The following LIG3 variants were observed in gnomAD, a reference collection of about 807,000 sequenced individuals.
The protein encoded by LIG3 is DNA ligase 3.
In LIG3, 58 loss-of-function variants were observed where a neutral mutation model predicts 110.9. The observed-to-expected ratio is 0.52, with a 90% CI of 0.42 to 0.65. LIG3 has a LOEUF of 0.65. LIG3 is among the 30% of genes least tolerant of loss of function. The pLI is 0.00. For missense variants in LIG3, 1,094 were observed against 1,273.8 expected (o/e 0.86, Z 2.15); for synonymous variants, 422 against 472.8 (o/e 0.89, Z 1.39).
intron 14 of LIG3, chr17:34,998,998 C>T: frequency 2.0e-6 from 1 of 505,240 alleles, no homozygotes; most frequent in South Asian, 3.3e-5. Context: ...TCTCCTCAGG[C>T]AAAATCTCTT....
At chr17:34,986,166 T>C in intron 3 of LIG3, 35 bp downstream of exon 3, 2 of 1,603,052 alleles carry the variant, frequency 1.2e-6, no homozygotes, top group Non-Finnish European at 1.7e-6. Flanking sequence ...GCTGTTATAG[T>C]GCTGCTTTTA....
In LIG3 at chr17:34,998,384, G is replaced by A. The variant is rs911417599; in HGVS notation, c.1989+88G>A. 4 of 1,274,814 alleles carry A rather than the reference G, an allele frequency of 3.1e-6. No individual in the cohort carries two copies. The South Asian group carries it at 4.1e-5, about 13-fold the overall frequency. 79.0% of individuals were successfully genotyped at this position (1,274,814 alleles called of 1,614,324 possible). A position where few individuals can be genotyped will look rare whatever the true frequency, so the allele number is the denominator to read the frequency against. On this transcript the variant is annotated intron_variant, in intron 13 of 19. Coordinates refer to ENST00000378526, the MANE Select transcript of LIG3 (RefSeq NM_013975.4). ...CCAGCCCTGACCAGGAGATGGCGGT[G>A]GCAGCCTGCAGTGGTTGGGGTGGCT...
intron 19 of LIG3, 111 bp from the exon 20 acceptor site, chr17:35,004,162 T>G: frequency 1.4e-6 from 1 of 735,978 alleles, no homozygotes; most frequent in Admixed American, 2.4e-5. Flanking sequence ...TAAACTTCTC[T>G]GCTTGTGTCC....
chr17:34,997,693 G>A, intron 11 of LIG3, 45 bp from the exon 12 acceptor site: 2 of 1,370,212 alleles, frequency 1.5e-6, no homozygotes, highest in Non-Finnish European at 2.1e-6. Flanking sequence ...TCCTAATAAG[G>A]GAGGGAGGAT....
chr17:34,999,940 C>A, intron 16 of LIG3, 84 bp downstream of exon 16: 4 of 1,096,684 alleles, frequency 3.6e-6, no homozygotes, highest in South Asian at 2.7e-5. Flanking sequence ...CATCTCACCT[C>A]GCTGAAAGTC....
chr17:35,005,457 G>T lies in LIG3; in HGVS notation c.*951G>T, dbSNP rs772453369. ...ACTGGAGGAATAATTATATGATATT[G>T]TTGAACCCCCAAGTATTGGCTGATG... is the stretch of plus-strand genomic sequence containing the variant. On this transcript the variant is annotated 3_prime_UTR_variant, in exon 20 of 20. Transcript: ENST00000378526. The T allele has an allele frequency of 1.4e-5, 8 of 560,800 alleles. No individual in the cohort carries two copies. The highest frequency in any genetic ancestry group is 1.9e-5 in the Admixed American group (1 of 52,460). The allele number at this position is 560,800 out of a possible 1,614,324, so 34.7% of individuals were successfully genotyped here. A position where few individuals can be genotyped will look rare whatever the true frequency, so the allele number is the denominator to read the frequency against.
At chr17:34,985,802 T>A in intron 2 of LIG3, 186 bp from the exon 3 acceptor site, 3 of 504,306 alleles carry the variant, frequency 5.9e-6, no homozygotes, top group East Asian at 3.1e-5. Flanking sequence ...CCTTCCCTTC[T>A]GTCCCCACAA....
At chr17:34,998,962 A>C in intron 14 of LIG3, 1 of 523,480 alleles carries the variant, frequency 1.9e-6, no homozygotes. Context: ...CTTACCACCA[A>C]TTATTTCGTC....
intron 8 of LIG3, among the ~76,000 whole-genome samples, chr17:34,993,554 A>G (rs1456590535): frequency 6.6e-6 from 1 of 152,212 alleles, no homozygotes; most frequent in Non-Finnish European, 1.5e-5. Flanking sequence ...GGCATGGGTT[A>G]TATAGCTTAG....
rs1298674029 is a variant in LIG3 at position 35,009,443 on chromosome 17, A to G, written c.*4937A>G. ...ATAATTCTAAGAATTAGATGTTTCCATATCATTAAAACCAAGGATCCATGA... is the reference window on the plus strand; with the variant it reads ...ATAATTCTAAGAATTAGATGTTTCCGTATCATTAAAACCAAGGATCCATGA... On this transcript the variant is annotated 3_prime_UTR_variant, in exon 20 of 20. Coordinates refer to ENST00000378526, the MANE Select transcript of LIG3 (RefSeq NM_013975.4). The G allele has an allele frequency of 6.6e-6, 1 of 152,232 alleles. No homozygotes were observed. Among genetic ancestry groups the G allele is most frequent in the Non-Finnish European group, 1.5e-5 (1 of 68,040 alleles). 9.4% of individuals were successfully genotyped at this position (152,232 alleles called of 1,614,324 possible).
In LIG3 at chr17:35,009,008, C is replaced by T. The variant is rs1055503388; in HGVS notation, c.*4502C>T. On this transcript the variant is annotated 3_prime_UTR_variant, in exon 20 of 20. Transcript: ENST00000378526. ...TCTCAAACTCCTGAGCTCAAGCAGT[C>T]TTCCCACCTTGGCCTCCTAAAGTGT... 4 of 152,506 alleles carry T rather than the reference C, an allele frequency of 2.6e-5. No individual in the cohort carries two copies. The highest frequency in any genetic ancestry group is 9.6e-5 in the African/African-American group (4 of 41,464). 9.4% of individuals were successfully genotyped at this position (152,506 alleles called of 1,614,324 possible).
intron 1 of LIG3, 96 bp downstream of exon 1, chr17:34,980,718 C>G: frequency 1.5e-6 from 1 of 655,758 alleles, no homozygotes; most frequent in Non-Finnish European, 1.9e-6. Context: ...GGGGAGCCAG[C>G]CCCCCGGCTC....
Position 34,998,612 on chromosome 17 carries a change from T to C in LIG3, c.1998T>C (p.Tyr666=). ...GLVLKDVKGT[Y]EPGKRHWLKV... Reference sequence around the variant, plus strand: ...CTTTTGCTTCCCTTCAGGGTACATATGAGCCTGGGAAGCGGCACTGGCTGA... The same window carrying C: ...CTTTTGCTTCCCTTCAGGGTACATACGAGCCTGGGAAGCGGCACTGGCTGA... The change falls in exon 14 of 20, where the codon TAT becomes TAC. Residue 666 remains tyrosine (Y), a synonymous_variant. Transcript: ENST00000378526. 3 of 1,614,152 alleles carry C rather than the reference T, an allele frequency of 1.9e-6. No individual in the cohort carries two copies. The highest frequency in any genetic ancestry group is 2.5e-6 in the Non-Finnish European group (3 of 1,179,992).
intron 2 of LIG3, among the ~76,000 whole-genome samples, chr17:34,984,364 C>T (rs896894812): frequency 1.3e-5 from 2 of 152,104 alleles, no homozygotes; most frequent in African/African-American, 4.8e-5. Context: ...GCATATAATT[C>T]ATTACTGTAC....
In LIG3 at chr17:34,998,247, C is replaced by T; in HGVS notation, c.1940C>T (p.Thr647Ile). 6.2e-7 allele frequency: 1 copy of T among 1,613,634 alleles called. No homozygotes were observed. The highest frequency in any genetic ancestry group is 1.3e-5 in the African/African-American group (1 of 75,034). ...TKALDLADMITRVIQEGLEGL... is the reference protein window; with the variant it reads ...TKALDLADMIIRVIQEGLEGL... Reference sequence around the variant, plus strand: ...GCTTTGGACTTGGCTGACATGATAACCCGGGTGATCCAGGAGGGATTGGAG... The same window carrying T: ...GCTTTGGACTTGGCTGACATGATAATCCGGGTGATCCAGGAGGGATTGGAG... Residue 647 changes from threonine (T) to isoleucine (I), a missense_variant, in exon 13 of 20, where the codon ACC (threonine) becomes ATC (isoleucine). Transcript: ENST00000378526.
chr17:34,982,446 ACTAGC>A (rs1441306172), intron 1 of LIG3, among the ~76,000 whole-genome samples: 1 of 152,104 alleles, frequency 6.6e-6, no homozygotes. Flanking sequence ...GGAGTTGGAG[ACTAGC>A]CTGACCAACA....
Position 34,998,704 on chromosome 17 carries a change from C to A in LIG3, c.2090C>A (p.Ala697Asp), listed in dbSNP as rs2090807266. 3 of 1,614,042 alleles carry A rather than the reference C, an allele frequency of 1.9e-6. No homozygotes were observed. In the East Asian group the frequency reaches 6.7e-5, roughly 36 times the overall value. ...ADTADLVVLG[A>D]FYGQGSKGGM... ...ACAGCTGACCTGGTGGTCCTTGGAG[C>A]CTTCTATGGGCAAGGGAGCAAAGGT... The change falls in exon 14 of 20, where the codon GCC (alanine) becomes GAC (aspartate). Residue 697 changes from alanine to aspartate, a missense_variant. Physicochemically the swap from Ala to Asp is moderately radical, Grantham distance 126. Coordinates refer to ENST00000378526, the MANE Select transcript of LIG3 (RefSeq NM_013975.4).
intron 3 of LIG3, 41 bp downstream of exon 3, chr17:34,986,172 T>C (rs1182756294): frequency 3.8e-6 from 6 of 1,592,806 alleles, no homozygotes; most frequent in South Asian, 1.1e-5. Context: ...ATAGTGCTGC[T>C]TTTATTTTGT....
chr17:34,996,897 G>A (rs926386252), intron 11 of LIG3: 5 of 471,530 alleles, frequency 1.1e-5, no homozygotes, highest in African/African-American at 1.9e-5. Context: ...TCTCTTCTCT[G>A]AGAGCTTAAG....
Sources: gnomAD v4.1 joint callset for allele counts (sites outside exome capture counted in the v4.1 genomes callset) on GRCh38, gnomAD v4.1.1 for gene constraint, MANE v1.5 for transcripts, NCBI Gene and HGNC (gene_info 2026-07-23, HGNC 2026-07-21) for gene names.